KAZN: variants seen among roughly 807,000 people sequenced by gnomAD.
The protein encoded by KAZN is kazrin, periplakin interacting protein.
Under a neutral mutation model 87.4 loss-of-function variants are expected in KAZN, and 40 were observed. That is an observed-to-expected ratio of 0.46 (90% CI 0.36 to 0.60). KAZN has a LOEUF of 0.60. Ranked by LOEUF, KAZN falls within the 20% of genes least tolerant of loss-of-function variation. The probability of loss-of-function intolerance (pLI) is 0.00; values close to 1 mark genes in which losing one functional copy is unlikely to be tolerated. For synonymous variants in KAZN, 466 were observed against 458.3 expected (o/e 1.02, Z -0.22); for missense variants, 898 against 1,073.9 (o/e 0.84, Z 2.29).
chr1:14,998,035 T>TGTTTGGTTTTGA (rs1557699992), intron 2 of KAZN, among the ~76,000 whole-genome samples: 4 of 151,554 alleles, frequency 2.6e-5, no homozygotes, highest in Non-Finnish European at 5.9e-5. Context: ...TTTGGTTTTG[T>TGTTTGGTTTTGA]CATGAGGCAG....
Position 15,101,611 on chromosome 1 carries a change from C to T in KAZN, c.1616C>T (p.Ser539Phe). Reference protein sequence around the residue: ...AKAWLNDIGLSQYSQAFQNHL... With the variant: ...AKAWLNDIGLFQYSQAFQNHL... ...GCCTGGCTGAATGACATTGGCCTGT[C>T]CCAGTACTCCCAGGCCTTTCAGAAC... The change falls in exon 11 of 15, where the codon TCC becomes TTC. Residue 539 changes from serine to phenylalanine, a missense_variant. By Grantham distance (155) the Ser-to-Phe change is radical (BLOSUM62 -2). This residue lies in a region of KAZN where 521 missense variants were observed against 689.4 expected (regional missense o/e 0.76). Coordinates refer to ENST00000376030, the MANE Select transcript of KAZN (RefSeq NM_201628.3). The T allele has an allele frequency of 6.4e-7, 1 of 1,557,132 alleles. No individual in the cohort carries two copies. The highest frequency in any genetic ancestry group is 8.7e-7 in the Non-Finnish European group (1 of 1,149,908).
At chr1:14,466,955 C>T (rs75204164) in intron 2 of KAZN, among the ~76,000 whole-genome samples, 1 of 116,920 alleles carries the variant, frequency 8.6e-6, no homozygotes, top group East Asian at 2.2e-4. Context: ...GGCGACAGTG[C>T]AAGACTCTGT....
intron 2 of KAZN, among the ~76,000 whole-genome samples, chr1:14,473,085 C>T (rs558332444): frequency 6.6e-6 from 1 of 152,268 alleles, no homozygotes; most frequent in East Asian, 1.9e-4. Context: ...GAATTATTCT[C>T]CGTGATCAGG....
intron 2 of KAZN, among the ~76,000 whole-genome samples, chr1:14,335,106 G>GCCCC (rs35092746): frequency 1.0e-4 from 15 of 146,108 alleles, no homozygotes; most frequent in Non-Finnish European, 2.3e-4. Flanking sequence ...ATGACTCGGT[G>GCCCC]CCCCCCCCCC....
intron 1 of KAZN, among the ~76,000 whole-genome samples, chr1:14,674,056 A>T (rs759012422): frequency 6.6e-6 from 1 of 152,206 alleles, no homozygotes; most frequent in Non-Finnish European, 1.5e-5. Context: ...TCCTCATCTT[A>T]TGCATGGGGA....
At chr1:14,784,871 C>T (rs1645460821) in intron 1 of KAZN, among the ~76,000 whole-genome samples, 1 of 152,064 alleles carries the variant, frequency 6.6e-6, no homozygotes, top group Non-Finnish European at 1.5e-5. Context: ...GTGATATCAC[C>T]ATGTCTGAGA....
At chr1:14,077,333 C>G (rs566408467) in intron 1 of KAZN, among the ~76,000 whole-genome samples, 16 of 152,290 alleles carry the variant, frequency 1.1e-4, no homozygotes, top group Admixed American at 2.6e-4. Context: ...GGGCTGTCCC[C>G]ATGGTAAGTA....
intron 1 of KAZN, among the ~76,000 whole-genome samples, chr1:14,634,546 A>T (rs1679820875): frequency 6.6e-6 from 1 of 152,212 alleles, no homozygotes; most frequent in African/African-American, 2.4e-5. Flanking sequence ...AATAGCATGG[A>T]GTAGCTCAGC....
At chr1:14,208,209 T>TG (rs1646783313) in intron 2 of KAZN, among the ~76,000 whole-genome samples, 1 of 152,246 alleles carries the variant, frequency 6.6e-6, no homozygotes, top group Admixed American at 6.5e-5. Flanking sequence ...CAAAGGCTAA[T>TG]GGTTCGCAGA....
At chr1:13,938,167 G>T (rs1640810467) in intron 1 of KAZN, among the ~76,000 whole-genome samples, 1 of 152,166 alleles carries the variant, frequency 6.6e-6, no homozygotes, top group South Asian at 2.1e-4. Flanking sequence ...CATGAGCATG[G>T]AAGTTTTTTT....
At position 14,598,951 on chromosome 1, in the gene KAZN, A is replaced by C. The variant is rs760270317; in HGVS notation, c.-47A>C. On this transcript the variant is annotated 5_prime_UTR_variant, in exon 1 of 15. It removes an upstream start codon present in the reference 5' UTR. Coordinates refer to ENST00000376030, the MANE Select transcript of KAZN (RefSeq NM_201628.3). The surrounding 1 kb of genome is among the most constrained non-coding windows in gnomAD (Gnocchi z 4.2). The stretch of plus-strand genomic sequence containing the variant: ...CCCGGCCGCGCGCCCCCCGCGCATC[A>C]TGCAGCTCTTTGTCACCTCTCTCGC... 4 of 1,559,262 alleles carry C rather than the reference A, an allele frequency of 2.6e-6. No homozygotes were observed. The East Asian group carries it at 8.0e-5, about 31-fold the overall frequency.
At chr1:14,934,805 A>C (rs1411047275) in intron 1 of KAZN, among the ~76,000 whole-genome samples, 1 of 152,186 alleles carries the variant, frequency 6.6e-6, no homozygotes, top group Non-Finnish European at 1.5e-5. Context: ...CCTGGCCTCC[A>C]GTCGCCCCCT....
At chr1:14,063,740 T>C (rs1013522838) in intron 1 of KAZN, among the ~76,000 whole-genome samples, 2 of 152,042 alleles carry the variant, frequency 1.3e-5, no homozygotes, top group Admixed American at 1.3e-4. Context: ...TGGGGCCAGG[T>C]GGAGATAATT....
At position 14,950,753 on chromosome 1, in the gene KAZN, C is replaced by G. The variant is rs544205577; in HGVS notation, c.227-9931C>G. 4.6e-5 allele frequency among the ~76,000 whole-genome samples: 7 copies of G among 152,212 alleles called. No homozygotes were observed. In the South Asian group the frequency reaches 1.5e-3, roughly 32 times the overall value. On this transcript the variant is annotated intron_variant, in intron 1 of 14. Transcript: ENST00000376030. ...CCACTCAGATGCTGGGTCAGCTGAG[C>G]AAAGACACTGAGGTTCTGTGACCTC...
intron 2 of KAZN, among the ~76,000 whole-genome samples, chr1:14,579,584 C>T (rs1354638567): frequency 6.6e-6 from 1 of 151,120 alleles, no homozygotes; most frequent in Non-Finnish European, 1.5e-5. Flanking sequence ...GAGATCGCAC[C>T]ACTGCACTGC....
At chr1:14,929,786 T>C (rs1292312919) in intron 1 of KAZN, 2 of 985,350 alleles carry the variant, frequency 2.0e-6, no homozygotes, top group Non-Finnish European at 2.4e-6. Flanking sequence ...GGGTGCCAGA[T>C]GAGTGCCTTT....
intron 2 of KAZN, among the ~76,000 whole-genome samples, chr1:14,559,379 C>T (rs1339767046): frequency 2.4e-4 from 36 of 152,130 alleles, no homozygotes; most frequent in Admixed American, 2.3e-3. Context: ...CCATTCCATC[C>T]TCGGAATGAT....
At chr1:14,147,359 C>A (rs1460333047) in intron 1 of KAZN, among the ~76,000 whole-genome samples, 1 of 152,116 alleles carries the variant, frequency 6.6e-6, no homozygotes, top group African/African-American at 2.4e-5. Flanking sequence ...GAGTTTAAAC[C>A]CTAGCTGTCT....
At chr1:14,717,158 T>C (rs921970115) in intron 1 of KAZN, among the ~76,000 whole-genome samples, 4 of 151,174 alleles carry the variant, frequency 2.6e-5, no homozygotes, top group African/African-American at 9.7e-5. Flanking sequence ...TACAGCATTA[T>C]TGTCTCATAA....
Sources: allele counts gnomAD v4.1 joint callset (sites outside exome capture counted in the v4.1 genomes callset), GRCh38; gene constraint gnomAD v4.1.1; regional missense constraint gnomAD v4.1.1; non-coding constraint Gnocchi (gnomAD v3.1); transcripts MANE v1.5; gene names NCBI Gene and HGNC (gene_info 2026-07-23, HGNC 2026-07-21).